The following MIOS variants were observed in gnomAD, a reference collection of about 807,000 sequenced individuals.
MIOS encodes the protein meiosis regulator for oocyte development.
Under a neutral mutation model 96.9 loss-of-function variants are expected in MIOS, and 52 were observed. That is an observed-to-expected ratio of 0.54 (90% CI 0.43 to 0.68). The LOEUF is 0.68. Ranked by LOEUF, MIOS falls within the 30% of genes least tolerant of loss-of-function variation. The probability of loss-of-function intolerance (pLI) is 0.00; values close to 1 mark genes in which losing one functional copy is unlikely to be tolerated. For synonymous variants in MIOS, 397 were observed against 359.5 expected, an observed-to-expected ratio of 1.10 and a Z score of -1.18; for missense variants, 1,005 against 1,052.8, an observed-to-expected ratio of 0.95 and a Z score of 0.63.
intron 11 of MIOS, among the ~76,000 whole-genome samples, chr7:7,597,957 G>A (rs1784265907): frequency 6.6e-6 from 1 of 152,018 alleles, no homozygotes; most frequent in Non-Finnish European, 1.5e-5. Flanking sequence ...GAGCCACCAT[G>A]CCCAGCCTAT....
At chr7:7,602,774 C>G (rs1376981414) in intron 11 of MIOS, among the ~76,000 whole-genome samples, 8 of 151,974 alleles carry the variant, frequency 5.3e-5, no homozygotes, top group Non-Finnish European at 1.0e-4. Context: ...CAATCCCAAG[C>G]CAAAAGAACA....
intron 5 of MIOS, chr7:7,582,603 T>G: frequency 5.1e-6 from 5 of 972,524 alleles, no homozygotes; most frequent in Non-Finnish European, 6.1e-6. Flanking sequence ...TACTTTGAAG[T>G]CTGTAATCTT....
intron 11 of MIOS, among the ~76,000 whole-genome samples, chr7:7,602,096 A>G (rs1266094420): frequency 6.6e-6 from 1 of 152,208 alleles, no homozygotes; most frequent in East Asian, 1.9e-4. Context: ...GCTATCTATG[A>G]CACACCCACA....
rs1478863537 is a variant in MIOS, at chr7:7,593,898, A to G, written c.2044-1082A>G. On this transcript the variant is annotated intron_variant, in intron 9 of 12. Transcript: ENST00000340080. ...TGTCTCCAAAAAAAAAAAAAAAAGA[A>G]AAAGAAAAGAAAAAAAGAAAACCTA... 4.0e-4 allele frequency among the ~76,000 whole-genome samples: 59 copies of G among 148,660 alleles called. 1 individual carries two copies. The highest frequency in any genetic ancestry group is 1.5e-3 in the African/African-American group (59 of 39,190).
rs978826522 is a variant in MIOS, at chr7:7,608,283, C to T, written c.*1191C>T. 3 of 152,006 alleles carry T rather than the reference C, an allele frequency of 2.0e-5. No homozygotes were observed. The highest frequency in any genetic ancestry group is 2.9e-5 in the Non-Finnish European group (2 of 67,954). 9.4% of individuals were successfully genotyped at this position (152,006 alleles called of 1,614,324 possible). A position where few individuals can be genotyped will look rare whatever the true frequency, so the allele number is the denominator to read the frequency against. ...TGAACTAGGAATTTTGTAGTTGAAGCTGTGTTCATAAAGAGTAAATCTTAT... is the reference window on the plus strand; with the variant it reads ...TGAACTAGGAATTTTGTAGTTGAAGTTGTGTTCATAAAGAGTAAATCTTAT... On this transcript the variant is annotated 3_prime_UTR_variant, in exon 13 of 13. Transcript: ENST00000340080.
At chr7:7,595,197 A>G (rs148424662) in intron 10 of MIOS, 65 bp downstream of exon 10, 364 of 1,521,770 alleles carry the variant, frequency 2.4e-4, no homozygotes, top group South Asian at 2.2e-3. Flanking sequence ...ATAAGTTACT[A>G]TTAGCTCATT....
intron 11 of MIOS, among the ~76,000 whole-genome samples, chr7:7,599,394 A>C (rs1335078303): frequency 6.6e-6 from 1 of 152,206 alleles, no homozygotes; most frequent in Non-Finnish European, 1.5e-5. Context: ...CTAAACCCCC[A>C]ACATGAATTA....
intron 11 of MIOS, among the ~76,000 whole-genome samples, chr7:7,601,529 T>C (rs2115493955): frequency 6.6e-6 from 1 of 152,272 alleles, no homozygotes; most frequent in East Asian, 1.9e-4. Context: ...CAGGAAGAAG[T>C]TGAATCTCTG....
chr7:7,570,558 ATAAT>A (rs1783316744), intron 3 of MIOS, among the ~76,000 whole-genome samples: 2 of 152,028 alleles, frequency 1.3e-5, no homozygotes, highest in South Asian at 2.1e-4. Flanking sequence ...ATACAATGAA[ATAAT>A]TATACAACTC....
At chr7:7,591,718 T>C (rs2115443436) in intron 9 of MIOS, among the ~76,000 whole-genome samples, 1 of 152,344 alleles carries the variant, frequency 6.6e-6, no homozygotes, top group African/African-American at 2.4e-5. Context: ...TTCAGTAGTA[T>C]GACCTTAATG....
chr7:7,605,922 A>T lies in MIOS; in HGVS notation c.2402-20A>T, dbSNP rs948122813. On this transcript the variant is annotated intron_variant, in intron 11 of 12. Coordinates refer to ENST00000340080, the MANE Select transcript of MIOS (RefSeq NM_019005.4). ...AAATATTATGATATAGTTAATGAAG[A>T]TCATTTTATTTTGTCATAGGAGGAA... 6.2e-7 allele frequency: 1 copy of T among 1,607,032 alleles called. No individual in the cohort carries two copies. The highest frequency in any genetic ancestry group is 1.3e-5 in the African/African-American group (1 of 74,758).
At chr7:7,583,450 T>G in intron 6 of MIOS, 78 bp downstream of exon 6, 1 of 1,390,928 alleles carries the variant, frequency 7.2e-7, no homozygotes, top group South Asian at 1.7e-5. Flanking sequence ...GAAAAGAGGC[T>G]AATAATTTTC....
At chr7:7,576,773 AGAC>A (rs1018925350) in intron 5 of MIOS, among the ~76,000 whole-genome samples, 4 of 152,216 alleles carry the variant, frequency 2.6e-5, no homozygotes, top group Non-Finnish European at 2.9e-5. Flanking sequence ...CAAGGAGGCA[AGAC>A]GTGATGCTAT....
intron 3 of MIOS, among the ~76,000 whole-genome samples, chr7:7,570,321 G>A (rs1206856038): frequency 6.6e-6 from 1 of 151,950 alleles, no homozygotes; most frequent in Non-Finnish European, 1.5e-5. Flanking sequence ...AGACATTGAG[G>A]GTGCTAGTAA....
Position 7,595,029 on chromosome 7 carries a change from A to G in MIOS, c.2093A>G (p.Glu698Gly). ...LKDERVQYWI[E>G]NYRNLLDAWR... Reference sequence around the variant, plus strand: ...GATGAAAGGGTTCAGTACTGGATTGAGAATTATAGAAATTTATTAGATGCC... The same window carrying G: ...GATGAAAGGGTTCAGTACTGGATTGGGAATTATAGAAATTTATTAGATGCC... The change falls in exon 10 of 13, where the codon GAG becomes GGG. Residue 698 changes from glutamate (E) to glycine (G), a missense_variant. Transcript: ENST00000340080. The G allele has an allele frequency of 6.2e-7, 1 of 1,613,688 alleles. No individual in the cohort carries two copies. The highest frequency in any genetic ancestry group is 8.5e-7 in the Non-Finnish European group (1 of 1,179,666).
At chr7:7,570,432 C>G (rs1325169521) in intron 3 of MIOS, among the ~76,000 whole-genome samples, 1 of 151,622 alleles carries the variant, frequency 6.6e-6, no homozygotes, top group African/African-American at 2.4e-5. Context: ...TTTTTGGCAC[C>G]AGGGACCAGT....
chr7:7,575,315 G>GT (rs1179931540), intron 5 of MIOS, among the ~76,000 whole-genome samples: 4 of 151,962 alleles, frequency 2.6e-5, no homozygotes, highest in East Asian at 3.9e-4. Flanking sequence ...ACATTATAGT[G>GT]TTTTTTTAAC....
intron 5 of MIOS, among the ~76,000 whole-genome samples, chr7:7,582,069 A>C (rs1783749130): frequency 6.6e-6 from 1 of 152,154 alleles, no homozygotes; most frequent in Admixed American, 6.5e-5. Context: ...TTCTGCCTAC[A>C]ACCAACAGGT....
intron 11 of MIOS, chr7:7,605,056 A>G (rs1784488130): frequency 6.6e-6 from 1 of 152,186 alleles, no homozygotes; most frequent in Non-Finnish European, 1.5e-5. Flanking sequence ...TTTTAAAACT[A>G]TTCCCGACTG....
Sources: allele counts gnomAD v4.1 joint callset (sites outside exome capture counted in the v4.1 genomes callset), GRCh38; gene constraint gnomAD v4.1.1; transcripts MANE v1.5; gene names NCBI Gene and HGNC (gene_info 2026-07-23, HGNC 2026-07-21).